The following SLC38A11 variants were observed in gnomAD, a reference collection of about 807,000 sequenced individuals.
SLC38A11 encodes solute carrier family 38 member 11.
Under a neutral mutation model 49.4 loss-of-function variants are expected in SLC38A11, and 51 were observed. That is an observed-to-expected ratio of 1.03 (90% CI 0.83 to 1.30). SLC38A11 has a LOEUF of 1.30. SLC38A11 is among the 50% of genes most tolerant of loss of function. The pLI, the probability that SLC38A11 is intolerant of heterozygous loss-of-function variation, is 0.00. For missense variants in SLC38A11, 574 were observed against 556.2 expected (o/e 1.03, Z -0.32); for synonymous variants, 203 against 192.9 (o/e 1.05, Z -0.43).
intron 2 of SLC38A11, among the ~76,000 whole-genome samples, chr2:164,954,299 GA>G (rs897834047): frequency 2.0e-5 from 3 of 152,068 alleles, no homozygotes; most frequent in Admixed American, 1.3e-4. Flanking sequence ...TCAGTAAGTG[GA>G]AAAAGTACAT....
intron 7 of SLC38A11, among the ~76,000 whole-genome samples, chr2:164,922,780 A>G (rs890129868): frequency 4.6e-5 from 7 of 152,214 alleles, no homozygotes. Flanking sequence ...AACCCTGAAT[A>G]AAAAGAACAA....
Position 164,954,758 on chromosome 2 carries a change from A to G in SLC38A11, c.40-13T>C. ...CATCTAAATCTCTCTAATAGATAAA[A>G]TAGCAATTATAAGCAAATACTAGTT... On this transcript the variant is annotated splice_polypyrimidine_tract_variant and intron_variant, in intron 1 of 11. Coordinates refer to ENST00000685975, the MANE Select transcript of SLC38A11 (RefSeq NM_001351537.2). The G allele has an allele frequency of 7.3e-7, 1 of 1,365,340 alleles. No homozygotes were observed. The highest frequency in any genetic ancestry group is 1.4e-5 in the South Asian group (1 of 72,204). The allele number at this position is 1,365,340 out of a possible 1,614,324, so 84.6% of individuals were successfully genotyped here. A position where few individuals can be genotyped will look rare whatever the true frequency, so the allele number is the denominator to read the frequency against.
chr2:164,899,363 C>A (rs546533253), intron 11 of SLC38A11, among the ~76,000 whole-genome samples: 1 of 152,100 alleles, frequency 6.6e-6, no homozygotes, highest in African/African-American at 2.4e-5. Flanking sequence ...CTCATTCACC[C>A]TTCCCCACAT....
At chr2:164,923,820 T>G (rs1686379675) in intron 7 of SLC38A11, among the ~76,000 whole-genome samples, 2 of 149,268 alleles carry the variant, frequency 1.3e-5, no homozygotes, top group Admixed American at 1.3e-4. Flanking sequence ...AAAAAACAAA[T>G]GTTAGTGGGG....
At chr2:164,905,674 T>C (rs1224793906) in intron 11 of SLC38A11, among the ~76,000 whole-genome samples, 1 of 152,156 alleles carries the variant, frequency 6.6e-6, no homozygotes, top group African/African-American at 2.4e-5. Context: ...CTAGATTTTA[T>C]TAATTCTTAC....
chr2:164,952,022 C>T (rs958023114), intron 3 of SLC38A11, among the ~76,000 whole-genome samples: 6 of 152,026 alleles, frequency 3.9e-5, no homozygotes, highest in Admixed American at 2.0e-4. Context: ...GTAGAGGAGA[C>T]GCCATGTTTG....
intron 11 of SLC38A11, among the ~76,000 whole-genome samples, chr2:164,907,367 G>A (rs545522096): frequency 4.8e-4 from 68 of 140,988 alleles, no homozygotes; most frequent in African/African-American, 1.8e-3. Context: ...TCTACCTCCT[G>A]GGCTCAAGCA....
chr2:164,905,456 A>G (rs1298172498), intron 11 of SLC38A11, among the ~76,000 whole-genome samples: 2 of 152,094 alleles, frequency 1.3e-5, no homozygotes, highest in Non-Finnish European at 2.9e-5. Context: ...GAAGTAGAAC[A>G]CAGCATGCTT....
Position 164,915,114 on chromosome 2 carries a change from T to G in SLC38A11, c.848A>C (p.Gln283Pro), listed in dbSNP as rs1389938611. 2 of 1,604,316 alleles carry G rather than the reference T, an allele frequency of 1.2e-6. No homozygotes were observed. The highest frequency in any genetic ancestry group is 4.5e-5 in the East Asian group (2 of 44,770). ...CGYLTFTGFT[Q>P]GDLFENYCRN... ...TATAACTGAATCTCTCATTTTACCT[T>G]GGGTGAAGCCAGTAAATGTCAAGTA... The change falls in exon 9 of 12, where the codon CAA (glutamine) becomes CCA (proline). Residue 283 changes from glutamine (Q) to proline (P), a missense_variant and splice_region_variant. Physicochemically the swap from Gln to Pro is moderately conservative, Grantham distance 76 (BLOSUM62 -1). Transcript: ENST00000685975.
chr2:164,909,700 T>C (rs1220998818), intron 10 of SLC38A11, among the ~76,000 whole-genome samples: 3 of 151,618 alleles, frequency 2.0e-5, no homozygotes, highest in Non-Finnish European at 4.4e-5. Flanking sequence ...ACAATACCTA[T>C]GGAGGATAAA....
At chr2:164,942,901 T>C (rs1385220739) in intron 5 of SLC38A11, among the ~76,000 whole-genome samples, 1 of 152,220 alleles carries the variant, frequency 6.6e-6, no homozygotes, top group Non-Finnish European at 1.5e-5. Flanking sequence ...AAACTGGAAC[T>C]CGGAGAGGAC....
At chr2:164,943,103 G>T (rs1351463571) in intron 5 of SLC38A11, among the ~76,000 whole-genome samples, 2 of 152,138 alleles carry the variant, frequency 1.3e-5, no homozygotes, top group African/African-American at 4.8e-5. Context: ...AGGTGTTTTT[G>T]CATCCATCTC....
chr2:164,928,362 G>T (rs1189066642), intron 7 of SLC38A11, among the ~76,000 whole-genome samples: 1 of 152,124 alleles, frequency 6.6e-6, no homozygotes, highest in Admixed American at 6.6e-5. Context: ...ATGTTTTATT[G>T]TCTCATTACT....
Position 164,948,680 on chromosome 2 carries a change from C to T in SLC38A11, c.230-2953G>A, listed in dbSNP as rs147482142. ...CCTACCTCAGAAAGATTTCACATTA[C>T]GACTGCATTATGCTCAGCATCTAGC... On this transcript the variant is annotated intron_variant, in intron 3 of 11. Coordinates refer to ENST00000685975, the MANE Select transcript of SLC38A11 (RefSeq NM_001351537.2). Among the ~76,000 whole-genome samples the T allele has an allele frequency of 4.7e-3, 715 of 152,228 alleles. 2 individuals carry two copies. Among genetic ancestry groups the T allele is most frequent in the African/African-American group, 0.016 (677 of 41,540 alleles).
In SLC38A11 at chr2:164,921,161, C is replaced by CA. The variant is rs201141127; in HGVS notation, c.618-5189dup. Among the ~76,000 whole-genome samples, 624 of 151,986 alleles carry CA rather than the reference C, an allele frequency of 4.1e-3. 1 individual carries two copies. The highest frequency in any genetic ancestry group is 0.013 in the African/African-American group (541 of 41,442). ...GTAAGAGAAGATAACAGTGAGACAC[C>CA]AAAAAAGGCACTTAGACTCATATTA... On this transcript the variant is annotated intron_variant, in intron 7 of 11. Transcript: ENST00000685975.
intron 4 of SLC38A11, 22 bp from the exon 5 acceptor site, chr2:164,944,656 G>T: frequency 9.8e-7 from 1 of 1,024,930 alleles, no homozygotes; most frequent in Non-Finnish European, 1.3e-6. Flanking sequence ...ATTAAAATAA[G>T]AGTCATCAAT....
At chr2:164,925,663 C>T (rs138316731) in intron 7 of SLC38A11, among the ~76,000 whole-genome samples, 18 of 152,218 alleles carry the variant, frequency 1.2e-4, no homozygotes, top group Non-Finnish European at 1.8e-4. Context: ...AGAAGGTAGA[C>T]CTCTGTATGT....
At chr2:164,901,183 T>C (rs574405635) in intron 11 of SLC38A11, among the ~76,000 whole-genome samples, 3 of 152,190 alleles carry the variant, frequency 2.0e-5, no homozygotes, top group Non-Finnish European at 4.4e-5. Flanking sequence ...GCCAGTATCA[T>C]ACCGTTTTGA....
intron 6 of SLC38A11, 111 bp from the exon 7 acceptor site, chr2:164,937,540 C>A: frequency 1.4e-6 from 1 of 706,534 alleles, no homozygotes; most frequent in Non-Finnish European, 2.4e-6. Context: ...GATTTTTTTG[C>A]CTAATTCTTT....
Sources: gnomAD v4.1 joint callset for allele counts (sites outside exome capture counted in the v4.1 genomes callset) on GRCh38, gnomAD v4.1.1 for gene constraint, MANE v1.5 for transcripts, NCBI Gene and HGNC (gene_info 2026-07-23, HGNC 2026-07-21) for gene names.